The following CACNA2D4 variants were observed in gnomAD, a reference collection of about 807,000 sequenced individuals.
CACNA2D4 encodes voltage-dependent calcium channel subunit alpha-2/delta-4.
In CACNA2D4, 157 loss-of-function variants were observed where a neutral mutation model predicts 163.8. That is an observed-to-expected ratio of 0.96 (90% confidence interval 0.84 to 1.09). The LOEUF (loss-of-function observed/expected upper bound fraction) is 1.09, where lower values mean the gene tolerates loss of function less well. CACNA2D4 is among the 50% of genes least tolerant of loss of function. CACNA2D4 has a pLI of 0.00. For synonymous variants in CACNA2D4, 598 were observed against 586.9 expected, an observed-to-expected ratio of 1.02 and a Z score of -0.27; for missense variants, 1,410 against 1,479.9, an observed-to-expected ratio of 0.95 and a Z score of 0.78.
chr12:1,906,383 C>T (rs1382039737), intron 6 of CACNA2D4, among the ~76,000 whole-genome samples: 2 of 152,108 alleles, frequency 1.3e-5, no homozygotes, highest in Admixed American at 1.3e-4. Context: ...AAAAAGGCAG[C>T]CCACAGAATG....
chr12:1,887,037 T>A lies in CACNA2D4; in HGVS notation c.814A>T (p.Ile272Phe). The A allele has an allele frequency of 1.3e-6, 2 of 1,595,164 alleles. No homozygotes were observed. The highest frequency in any genetic ancestry group is 1.7e-6 in the Non-Finnish European group (2 of 1,168,092). ...CCGCGGTTTCGGCAGTCAAAAGTAA[T>A]GACTCCATTCTCATCAGGTGTCCAT... is the stretch of plus-strand genomic sequence containing the variant. ...IKWTPDENGV[I>F]TFDCRNRGWY... Residue 272 changes from isoleucine to phenylalanine, a missense_variant, in exon 7 of 38, where the codon ATT (isoleucine) becomes TTT (phenylalanine). Physicochemically the swap from Ile to Phe is conservative, Grantham distance 21. Coordinates refer to ENST00000382722, the MANE Select transcript of CACNA2D4 (RefSeq NM_172364.5).
At chr12:1,801,265 T>C in intron 30 of CACNA2D4, 147 bp from the exon 31 acceptor site, 1 of 708,698 alleles carries the variant, frequency 1.4e-6, no homozygotes, top group Non-Finnish European at 2.5e-6. Flanking sequence ...CAGCTCATGC[T>C]GAAAATTACA....
At chr12:1,801,171 C>T (rs1863310738) in intron 30 of CACNA2D4, 53 bp from the exon 31 acceptor site, 4 of 1,501,534 alleles carry the variant, frequency 2.7e-6, no homozygotes, top group Middle Eastern at 3.4e-4. Context: ...CACCCCCTGC[C>T]CCTGCCTCAG....
In CACNA2D4 at chr12:1,810,359, G is replaced by A. The variant is rs1365387765; in HGVS notation, c.2659-19C>T. On this transcript the variant is annotated intron_variant, in intron 28 of 37. Transcript: ENST00000382722. ...CCAGATCCTGGGAGGAAACCCAGAA[G>A]GGAGGTTATGCCAGGGCCCTCACCC... 3 of 1,611,990 alleles carry A rather than the reference G, an allele frequency of 1.9e-6. No individual in the cohort carries two copies. The highest frequency in any genetic ancestry group is 1.3e-5 in the African/African-American group (1 of 74,902).
chr12:1,795,424 CCATTCTG>C, intron 36 of CACNA2D4, 43 bp from the exon 37 acceptor site: 1 of 1,563,014 alleles, frequency 6.4e-7, no homozygotes, highest in Non-Finnish European at 8.7e-7. Flanking sequence ...GGACCGGAGC[CCATTCTG>C]CAGACTGGAA....
In CACNA2D4 at chr12:1,875,366, A is replaced by C. The variant is rs747042836; in HGVS notation, c.1720-29T>G. On this transcript the variant is annotated intron_variant, in intron 16 of 37. Coordinates refer to ENST00000382722, the MANE Select transcript of CACNA2D4 (RefSeq NM_172364.5). This position sits in a 1 kb window ranked among gnomAD's most constrained non-coding sequence, Gnocchi z 4.0. Reference sequence around the variant, plus strand: ...GAGTGGGCAGGTCAGGAAGAAAAACATGTGGTCAGTATACGTCCTGCTCAA... The same window carrying C: ...GAGTGGGCAGGTCAGGAAGAAAAACCTGTGGTCAGTATACGTCCTGCTCAA... 1.4e-6 allele frequency: 2 copies of C among 1,442,628 alleles called. No individual in the cohort carries two copies. The highest frequency in any genetic ancestry group is 3.3e-5 in the Admixed American group (2 of 59,760). 89.4% of individuals were successfully genotyped at this position (1,442,628 alleles called of 1,614,324 possible).
At chr12:1,823,335 G>A (rs1864185515) in intron 26 of CACNA2D4, 1 of 152,324 alleles carries the variant, frequency 6.6e-6, no homozygotes, top group Non-Finnish European at 1.5e-5. Flanking sequence ...ACCTCCATCT[G>A]AGGAGAAATG....
rs763506750 is a variant in CACNA2D4, at chr12:1,793,619, A to ATC, written c.*34_*35dup. The ATC allele has an allele frequency of 6.3e-7, 1 of 1,579,678 alleles. No individual in the cohort carries two copies. The highest frequency in any genetic ancestry group is 1.1e-5 in the South Asian group (1 of 90,414). On this transcript the variant is annotated 3_prime_UTR_variant, in exon 38 of 38. Coordinates refer to ENST00000382722, the MANE Select transcript of CACNA2D4 (RefSeq NM_172364.5). ...GACTTTTTGGGATGGCTCTGGAAGG[A>ATC]TCACCTTGCCAAAACACAGGTCAGG...
intron 18 of CACNA2D4, among the ~76,000 whole-genome samples, chr12:1,873,231 T>G (rs963729870): frequency 2.0e-5 from 3 of 152,148 alleles, no homozygotes; most frequent in African/African-American, 7.2e-5. Flanking sequence ...GAACGTCCAT[T>G]ATGGTCATGA....
chr12:1,824,997 C>G (rs538079059), intron 26 of CACNA2D4, among the ~76,000 whole-genome samples: 9 of 152,206 alleles, frequency 5.9e-5, no homozygotes, highest in Non-Finnish European at 7.3e-5. Context: ...AGGGCATATC[C>G]GCATGAACCT....
Position 1,837,630 on chromosome 12 carries a change from G to C in CACNA2D4, c.2551+3109C>G, listed in dbSNP as rs550232472. ...TTTGGATAACAACCCAGCGAGCCAG[G>C]AGCAAACCCTAGAGGGAAGTGAACC... On this transcript the variant is annotated intron_variant, in intron 26 of 37. Coordinates refer to ENST00000382722, the MANE Select transcript of CACNA2D4 (RefSeq NM_172364.5). 4.6e-5 allele frequency among the ~76,000 whole-genome samples: 7 copies of C among 152,260 alleles called. No homozygotes were observed. The South Asian group carries it at 1.5e-3, about 32-fold the overall frequency.
rs556916032 is a variant in CACNA2D4, at chr12:1,912,785, G to A, written c.426+238C>T. 1.4e-4 allele frequency among the ~76,000 whole-genome samples: 21 copies of A among 152,314 alleles called. No homozygotes were observed. In the East Asian group the frequency reaches 2.7e-3, roughly 20 times the overall value. On this transcript the variant is annotated intron_variant, in intron 3 of 37. Transcript: ENST00000382722. ...CGGCAGTGCTGGGCATGGCCGCCTC[G>A]GGGCAGAGCTCTGATCCCAGCCCCT...
At chr12:1,896,992 A>G (rs1298754717) in intron 6 of CACNA2D4, among the ~76,000 whole-genome samples, 2 of 152,218 alleles carry the variant, frequency 1.3e-5, no homozygotes, top group African/African-American at 4.8e-5. Flanking sequence ...TTGCAGCAAC[A>G]TGGATGAACT....
intron 2 of CACNA2D4, among the ~76,000 whole-genome samples, chr12:1,913,830 A>T (rs1402660912): frequency 6.6e-6 from 1 of 152,242 alleles, no homozygotes; most frequent in Non-Finnish European, 1.5e-5. Context: ...CAAGCCAGTC[A>T]ATCACTTTCC....
intron 23 of CACNA2D4, among the ~76,000 whole-genome samples, chr12:1,847,922 A>G (rs1399612233): frequency 6.6e-5 from 10 of 152,228 alleles, no homozygotes; most frequent in African/African-American, 2.2e-4. Context: ...CAATTCATTA[A>G]TATGATCAGA....
At chr12:1,805,242 A>C (rs576057447) in intron 29 of CACNA2D4, among the ~76,000 whole-genome samples, 1 of 152,248 alleles carries the variant, frequency 6.6e-6, no homozygotes, top group African/African-American at 2.4e-5. Context: ...TGTGAGCACC[A>C]CCCAGAAGCC....
chr12:1,816,971 CTGT>C (rs1306533695), intron 26 of CACNA2D4, among the ~76,000 whole-genome samples: 9 of 152,370 alleles, frequency 5.9e-5, no homozygotes, highest in African/African-American at 1.9e-4. Context: ...AGTTTGCACA[CTGT>C]TGAGTGCTGT....
chr12:1,849,090 G>C (rs1008552642), intron 23 of CACNA2D4, among the ~76,000 whole-genome samples: 20 of 152,196 alleles, frequency 1.3e-4, no homozygotes, highest in Non-Finnish European at 1.6e-4. Context: ...CCTGGAATCA[G>C]ACATTTCTTC....
At chr12:1,826,107 A>G (rs921386808) in intron 26 of CACNA2D4, among the ~76,000 whole-genome samples, 1 of 152,062 alleles carries the variant, frequency 6.6e-6, no homozygotes, top group Non-Finnish European at 1.5e-5. Flanking sequence ...TGGGATCGGG[A>G]AAGAAAGCCG....
Sources: gnomAD v4.1 joint callset for allele counts (sites outside exome capture counted in the v4.1 genomes callset) on GRCh38, gnomAD v4.1.1 for gene constraint, Gnocchi (gnomAD v3.1) non-coding constraint, MANE v1.5 for transcripts, NCBI Gene and HGNC (gene_info 2026-07-23, HGNC 2026-07-21) for gene names.